IQCM: variants seen among roughly 807,000 people sequenced by gnomAD.
IQCM encodes IQ domain-containing protein M.
Under a neutral mutation model 57.6 loss-of-function variants are expected in IQCM, and 45 were observed. The observed-to-expected ratio is 0.78, with a 90% CI of 0.62 to 1.00. IQCM has a LOEUF of 1.00. Ranked by LOEUF, IQCM falls within the 50% of genes least tolerant of loss-of-function variation. The pLI, the probability that IQCM is intolerant of heterozygous loss-of-function variation, is 0.00. For missense variants in IQCM, 468 were observed against 511.6 expected (o/e 0.91, Z 0.82); for synonymous variants, 148 against 158.9 (o/e 0.93, Z 0.51).
intron 10 of IQCM, among the ~76,000 whole-genome samples, chr4:149,553,598 A>T (rs1749248449): frequency 6.6e-6 from 1 of 152,214 alleles, no homozygotes; most frequent in African/African-American, 2.4e-5. Context: ...ACTCTGCCAG[A>T]AACGATGTAG....
At chr4:149,597,067 A>G (rs1179644044) in intron 8 of IQCM, among the ~76,000 whole-genome samples, 4 of 152,112 alleles carry the variant, frequency 2.6e-5, no homozygotes, top group East Asian at 3.9e-4. Context: ...CTACATGTTT[A>G]GAGAAATATA....
intron 5 of IQCM, 112 bp downstream of exon 5, chr4:149,733,132 G>C (rs1766616851): frequency 1.0e-6 from 1 of 979,146 alleles, no homozygotes; most frequent in Non-Finnish European, 1.3e-6. Flanking sequence ...TCATTGTTAA[G>C]ATTTAAAGTT....
chr4:149,534,334 A>T (rs562825740), intron 12 of IQCM, among the ~76,000 whole-genome samples: 3 of 152,176 alleles, frequency 2.0e-5, no homozygotes, highest in Non-Finnish European at 4.4e-5. Flanking sequence ...CACAAGAAAG[A>T]GAAAGAGATT....
intron 7 of IQCM, among the ~76,000 whole-genome samples, chr4:149,644,266 GATGCT>G (rs1758452523): frequency 6.6e-6 from 1 of 152,020 alleles, no homozygotes; most frequent in South Asian, 2.1e-4. Context: ...AAACAATATA[GATGCT>G]ACCACCCTAG....
chr4:149,670,161 G>A (rs893634233), intron 7 of IQCM, among the ~76,000 whole-genome samples: 4 of 152,180 alleles, frequency 2.6e-5, no homozygotes, highest in Non-Finnish European at 5.9e-5. Flanking sequence ...GTTGAGCAGT[G>A]GTTTGTAGTT....
chr4:149,438,399 A>G (rs1348871922), intron 12 of IQCM, among the ~76,000 whole-genome samples: 1 of 152,102 alleles, frequency 6.6e-6, no homozygotes, highest in African/African-American at 2.4e-5. Context: ...CTACTAGCCA[A>G]TACTGTGAAG....
intron 5 of IQCM, among the ~76,000 whole-genome samples, chr4:149,713,523 C>G (rs1764737046): frequency 6.6e-6 from 1 of 152,126 alleles, no homozygotes; most frequent in East Asian, 1.9e-4. Flanking sequence ...CAGTAATCAT[C>G]CTCCACTTCT....
In IQCM at chr4:149,597,143, A is replaced by G. The variant is rs185911379; in HGVS notation, c.682-9146T>C. ...CTTGGAAAGTAACAATCGACATTAT[A>G]AAAATAAAACACATAATATTTAAAA... On this transcript the variant is annotated intron_variant, in intron 8 of 13. Coordinates refer to ENST00000636793, the MANE Select transcript of IQCM (RefSeq NM_001363507.2). Among the ~76,000 whole-genome samples the G allele has an allele frequency of 3.0e-4, 45 of 152,256 alleles. No homozygotes were observed. In the East Asian group the frequency reaches 6.9e-3, roughly 24 times the overall value.
chr4:149,631,328 C>T (rs1303342880), intron 7 of IQCM, among the ~76,000 whole-genome samples: 1 of 152,168 alleles, frequency 6.6e-6, no homozygotes, highest in Admixed American at 6.5e-5. Context: ...TAAACCTTAG[C>T]CATGACTACA....
At chr4:149,582,463 G>A (rs1752302801) in intron 9 of IQCM, among the ~76,000 whole-genome samples, 1 of 149,782 alleles carries the variant, frequency 6.7e-6, no homozygotes, top group South Asian at 2.1e-4. Flanking sequence ...GTTCAAGAGA[G>A]ATAGGTATTA....
intron 12 of IQCM, among the ~76,000 whole-genome samples, chr4:149,537,030 T>G (rs1747363903): frequency 6.6e-6 from 1 of 151,924 alleles, no homozygotes; most frequent in South Asian, 2.1e-4. Flanking sequence ...ATCTAAAATT[T>G]CCAGTGCTCA....
intron 12 of IQCM, among the ~76,000 whole-genome samples, chr4:149,477,265 C>G (rs1172249940): frequency 2.0e-5 from 3 of 152,108 alleles, no homozygotes; most frequent in Non-Finnish European, 4.4e-5. Context: ...TCTATTGAAG[C>G]TATTTTTTTC....
At chr4:149,675,088 A>C (rs1289499382) in intron 7 of IQCM, among the ~76,000 whole-genome samples, 3 of 152,088 alleles carry the variant, frequency 2.0e-5, no homozygotes, top group Admixed American at 2.0e-4. Flanking sequence ...GGGCAAAATC[A>C]TGGGAGGAAA....
At chr4:149,587,272 C>A (rs948754535) in intron 9 of IQCM, among the ~76,000 whole-genome samples, 2 of 151,774 alleles carry the variant, frequency 1.3e-5, no homozygotes, top group African/African-American at 2.4e-5. Context: ...TGTCCACATG[C>A]CATCACTCTC....
intron 13 of IQCM, among the ~76,000 whole-genome samples, chr4:149,429,648 A>G (rs1203124969): frequency 6.6e-6 from 1 of 151,932 alleles, no homozygotes; most frequent in East Asian, 1.9e-4. Context: ...AATAAACAGG[A>G]GTACCTACAT....
At chr4:149,759,016 T>C (rs1769253682) in intron 2 of IQCM, among the ~76,000 whole-genome samples, 1 of 152,150 alleles carries the variant, frequency 6.6e-6, no homozygotes. Flanking sequence ...ATAGTAGCTT[T>C]ATTCATAATT....
chr4:149,413,021 C>T (rs1733497726), intron 13 of IQCM, among the ~76,000 whole-genome samples: 2 of 152,112 alleles, frequency 1.3e-5, no homozygotes, highest in South Asian at 4.1e-4. Flanking sequence ...TTTTATTGTT[C>T]ACCTCCATTA....
intron 11 of IQCM, among the ~76,000 whole-genome samples, chr4:149,551,088 T>C (rs188558801): frequency 6.6e-6 from 1 of 152,316 alleles, no homozygotes; most frequent in East Asian, 1.9e-4. Context: ...CAATCGTCTA[T>C]AAAGCTTGAC....
chr4:149,394,694 A>T (rs544615621), intron 13 of IQCM, among the ~76,000 whole-genome samples: 230 of 152,048 alleles, frequency 1.5e-3, no homozygotes, highest in African/African-American at 5.3e-3. Flanking sequence ...GCTCAACTAA[A>T]ATCCAATGCC....
Sources: allele counts gnomAD v4.1 joint callset (sites outside exome capture counted in the v4.1 genomes callset), GRCh38; gene constraint gnomAD v4.1.1; transcripts MANE v1.5; gene names NCBI Gene and HGNC (gene_info 2026-07-23, HGNC 2026-07-21).